ADAM15: variants seen among roughly 807,000 people sequenced by gnomAD.
ADAM15 encodes the protein disintegrin and metalloproteinase domain-containing protein 15.
Under a neutral mutation model 113.8 loss-of-function variants are expected in ADAM15, and 77 were observed. The observed-to-expected ratio is 0.68, with a 90% CI of 0.56 to 0.82. The LOEUF (loss-of-function observed/expected upper bound fraction) is 0.82, where lower values mean the gene tolerates loss of function less well. ADAM15 is among the 40% of genes least tolerant of loss of function. The probability of loss-of-function intolerance (pLI) is 0.00; values close to 1 mark genes in which losing one functional copy is unlikely to be tolerated. For synonymous variants in ADAM15, 388 were observed against 454.1 expected, an observed-to-expected ratio of 0.85 and a Z score of 1.85; for missense variants, 963 against 1,120.1, an observed-to-expected ratio of 0.86 and a Z score of 2.00.
chr1:155,054,647 C>T (rs749358894), intron 6 of ADAM15, 141 bp downstream of exon 6: 275 of 828,846 alleles, frequency 3.3e-4, no homozygotes, highest in Non-Finnish European at 4.4e-4. Context: ...AACATTAGCT[C>T]GTGTACTCCT....
rs745952012 is a variant in ADAM15 at position 155,057,385 on chromosome 1, C to T, written c.1323+23C>T. 33 of 1,613,374 alleles carry T rather than the reference C, an allele frequency of 2.0e-5. No homozygotes were observed. The highest frequency in any genetic ancestry group is 3.3e-5 in the Admixed American group (2 of 59,976). The stretch of plus-strand genomic sequence containing the variant: ...GATGTGAGCCCCTTTCCCAAAGCCT[C>T]GCCCCACTCACTTCTGTACCCTCAC... On this transcript the variant is annotated intron_variant, in intron 12 of 22. Transcript: ENST00000356955. This position sits in a 1 kb window ranked among gnomAD's most constrained non-coding sequence, Gnocchi z 5.0.
In ADAM15 at chr1:155,061,484, C is replaced by T; in HGVS notation, c.2347C>T (p.Leu783Phe). The change falls in exon 20 of 23, where the codon CTC (leucine) becomes TTC (phenylalanine). Residue 783 changes from leucine to phenylalanine, a missense_variant. Transcript: ENST00000356955. ...GCCGCCTGACCCTGTGTCCAAGAGA[C>T]TCCAGGTAAATCTGGGCCAGGGCCC... Reference protein sequence around the residue: ...PLPPDPVSKRLQAELADRPNP... With the variant: ...PLPPDPVSKRFQAELADRPNP... 6.2e-7 allele frequency: 1 copy of T among 1,613,552 alleles called. No individual in the cohort carries two copies. Among genetic ancestry groups the T allele is most frequent in the South Asian group, 1.1e-5 (1 of 91,038 alleles).
Position 155,057,658 on chromosome 1 carries a change from G to A in ADAM15, c.1345G>A (p.Asp449Asn). Reference sequence around the variant, plus strand: ...ACAGGACTGCGTCGATCCCTGCTGTGATTCTTTGACCTGCCAGCTGAGGCC... The same window carrying A: ...ACAGGACTGCGTCGATCCCTGCTGTAATTCTTTGACCTGCCAGCTGAGGCC... The part of the protein sequence containing the change: ...FLDDCVDPCC[D>N]SLTCQLRPGA... Residue 449 changes from aspartate (D) to asparagine (N), a missense_variant, in exon 13 of 23, where the codon GAT (aspartate) becomes AAT (asparagine). Asp to Asn is a conservative substitution (Grantham distance 23). Transcript: ENST00000356955. This position sits in a 1 kb window ranked among gnomAD's most constrained non-coding sequence, Gnocchi z 5.0. The A allele has an allele frequency of 6.2e-7, 1 of 1,614,210 alleles. No homozygotes were observed. Among genetic ancestry groups the A allele is most frequent in the Non-Finnish European group, 8.5e-7 (1 of 1,180,036 alleles).
rs759726786 is a variant in ADAM15, at chr1:155,054,458, C to T, written c.564C>T (p.His188=). The change falls in exon 6 of 23, where the codon CAC becomes CAT. Residue 188 remains histidine (H), a synonymous_variant. Coordinates refer to ENST00000356955, the MANE Select transcript of ADAM15 (RefSeq NM_207197.3). ...TCALSWRESV[H]TQKPPEHPLG... is the part of the protein sequence containing the mutation. ...CCCTGAGCTGGCGGGAATCTGTACA[C>T]ACTCAGAAGCCACCAGAGCACCCCC... 6.8e-6 allele frequency: 11 copies of T among 1,607,592 alleles called. No individual in the cohort carries two copies. Among genetic ancestry groups the T allele is most frequent in the Middle Eastern group, 3.3e-4 (2 of 6,038 alleles).
At chr1:155,055,730 C>T (rs1489758450) in intron 6 of ADAM15, 60 bp from the exon 7 acceptor site, 65 of 1,594,392 alleles carry the variant, frequency 4.1e-5, no homozygotes, top group South Asian at 9.9e-5. Flanking sequence ...TTGGTCAGCC[C>T]GGCACAGCTG....
intron 18 of ADAM15, 39 bp from the exon 19 acceptor site, chr1:155,060,724 G>A (rs1662457565): frequency 6.3e-7 from 1 of 1,597,596 alleles, no homozygotes. Flanking sequence ...CAGGGTCTGA[G>A]GCTGGGCCCT....
Position 155,055,836 on chromosome 1 carries a change from T to G in ADAM15, c.659T>G (p.Val220Gly). 6.2e-7 allele frequency: 1 copy of G among 1,614,222 alleles called. No homozygotes were observed. Among genetic ancestry groups the G allele is most frequent in the Non-Finnish European group, 8.5e-7 (1 of 1,180,044 alleles). ...ACCAAGACTGTGGAGTTGGTGATTG[T>G]GGCTGATCACTCGGAGGTGAGCCTG... ...TETKTVELVI[V>G]ADHSEAQKYR... Residue 220 changes from valine (V) to glycine (G), a missense_variant, in exon 7 of 23, where the codon GTG becomes GGG. Transcript: ENST00000356955.
At position 155,062,592 on chromosome 1, in the gene ADAM15, G is replaced by C; in HGVS notation, c.*90G>C. ...GGAGTCCCCTACCATGACTGAAGGC[G>C]CCAGAGACTGGCGGTGTCTTAAGAC... On this transcript the variant is annotated 3_prime_UTR_variant, in exon 23 of 23. Coordinates refer to ENST00000356955, the MANE Select transcript of ADAM15 (RefSeq NM_207197.3). This position sits in a 1 kb window ranked among gnomAD's most constrained non-coding sequence, Gnocchi z 7.0. 6.6e-7 allele frequency: 1 copy of C among 1,520,318 alleles called. No homozygotes were observed. Among genetic ancestry groups the C allele is most frequent in the Middle Eastern group, 1.8e-4 (1 of 5,410 alleles). The allele number at this position is 1,520,318 out of a possible 1,614,324, so 94.2% of individuals were successfully genotyped here.
In ADAM15 at chr1:155,051,425, C is replaced by A; in HGVS notation, c.39C>A (p.Gly13=). 1 of 1,566,146 alleles carries A rather than the reference C, an allele frequency of 6.4e-7. No homozygotes were observed. Among genetic ancestry groups the A allele is most frequent in the Non-Finnish European group, 8.6e-7 (1 of 1,161,462 alleles). Residue 13 remains glycine (G), a synonymous_variant, in exon 1 of 23, where the codon GGC becomes GGA. Coordinates refer to ENST00000356955, the MANE Select transcript of ADAM15 (RefSeq NM_207197.3). ...LALLWALGLL[G]AGSPLPSWPL... is the part of the protein sequence containing the mutation. ...TGCTCTGGGCCCTGGGGCTCCTGGG[C>A]GCGGGCAGCCCTCTGCCTTCCTGGC...
intron 2 of ADAM15, 94 bp from the exon 3 acceptor site, chr1:155,053,323 C>G (rs1661341826): frequency 8.8e-7 from 1 of 1,131,798 alleles, no homozygotes; most frequent in Admixed American, 1.7e-5. Flanking sequence ...GATCTAATTG[C>G]TGGTGCTCTT....
intron 1 of ADAM15, chr1:155,052,261 C>T (rs1661143892): frequency 1.9e-6 from 1 of 528,298 alleles, no homozygotes; most frequent in Non-Finnish European, 3.4e-6. Context: ...CTGGCATCTC[C>T]GATGTGAGCG....
Position 155,061,994 on chromosome 1 carries a change from A to G in ADAM15, c.2424+19A>G. 1.3e-6 allele frequency: 2 copies of G among 1,561,332 alleles called. No homozygotes were observed. The highest frequency in any genetic ancestry group is 1.9e-5 in the Admixed American group (1 of 53,426). ...CCCGAAGGTAACGGTGGGGGGAGAG[A>G]AGGGCACGGCCTCTCCCCCCACCTA... On this transcript the variant is annotated intron_variant, in intron 21 of 22. Coordinates refer to ENST00000356955, the MANE Select transcript of ADAM15 (RefSeq NM_207197.3).
At chr1:155,053,314 A>G (rs112244639) in intron 2 of ADAM15, 103 bp from the exon 3 acceptor site, 1 of 1,035,298 alleles carries the variant, frequency 9.7e-7, no homozygotes. Context: ...CCCACCAGTG[A>G]TCTAATTGCT....
At position 155,059,950 on chromosome 1, in the gene ADAM15, CCT is replaced by C. The variant is rs769987196; in HGVS notation, c.2045_2046del (p.Pro682ArgfsTer62). ...CTACTGTGAGGAGGGCTGGGCACCC[CCT>C]GACTGCACCACTCAGCTCAAAGGTA... is the stretch of plus-strand genomic sequence containing the variant. ...HCYCEEGWAP[P>X]DCTTQLKATS... On this transcript the variant is annotated frameshift_variant, in exon 17 of 23. Coordinates refer to ENST00000356955, the MANE Select transcript of ADAM15 (RefSeq NM_207197.3). LOFTEE classifies it high-confidence loss of function. The C allele has an allele frequency of 3.7e-6, 6 of 1,614,058 alleles. No individual in the cohort carries two copies. The highest frequency in any genetic ancestry group is 3.3e-5 in the Admixed American group (2 of 60,016).
chr1:155,054,624 T>G (rs2102395063), intron 6 of ADAM15, 118 bp downstream of exon 6: 1 of 1,132,408 alleles, frequency 8.8e-7, no homozygotes, highest in Non-Finnish European at 1.2e-6. Flanking sequence ...TTCCACATGC[T>G]GGGCACTTTG....
chr1:155,062,474 C>G lies in ADAM15; in HGVS notation c.2564C>G (p.Pro855Arg). ...LVVPSRPAPP[P>R]PTVSSLYL is the part of the protein sequence containing the mutation. Reference sequence around the variant, plus strand: ...CCGCAATCCAGACCAGCGCCACCGCCTCCGACAGTGTCCTCGCTCTACCTC... The same window carrying G: ...CCGCAATCCAGACCAGCGCCACCGCGTCCGACAGTGTCCTCGCTCTACCTC... The change falls in exon 23 of 23, where the codon CCT becomes CGT. Residue 855 changes from proline (P) to arginine (R), a missense_variant. Transcript: ENST00000356955. This position sits in a 1 kb window ranked among gnomAD's most constrained non-coding sequence, Gnocchi z 7.0. The G allele has an allele frequency of 6.2e-7, 1 of 1,613,484 alleles. No individual in the cohort carries two copies. Among genetic ancestry groups the G allele is most frequent in the Non-Finnish European group, 8.5e-7 (1 of 1,179,984 alleles).
chr1:155,051,332 C>T lies in ADAM15; in HGVS notation c.-55C>T. 4 of 1,329,744 alleles carry T rather than the reference C, an allele frequency of 3.0e-6. No homozygotes were observed. In the South Asian group the frequency reaches 5.2e-5, roughly 17 times the overall value. The allele number at this position is 1,329,744 out of a possible 1,614,324, so 82.4% of individuals were successfully genotyped here. ...CGAGGCGACCTGGCCGCCGGCCGCT[C>T]CTCCGCGCGCTGTTCCGCACTTGCT... On this transcript the variant is annotated 5_prime_UTR_variant, in exon 1 of 23. Coordinates refer to ENST00000356955, the MANE Select transcript of ADAM15 (RefSeq NM_207197.3).
rs76268440 is a variant in ADAM15, at chr1:155,053,469, A to G, written c.239A>G (p.His80Arg). The G allele has an allele frequency of 1.2e-6, 2 of 1,614,080 alleles. No homozygotes were observed. The highest frequency in any genetic ancestry group is 2.7e-5 in the African/African-American group (2 of 74,914). ...AAGTTGGAGCTGGACGGTGACAGTC[A>G]TATCCTGGAGCTGCTACAGAATAGG... ...RIKLELDGDSHILELLQNREL... is the reference protein window; with the variant it reads ...RIKLELDGDSRILELLQNREL... Residue 80 changes from histidine (H) to arginine (R), a missense_variant, in exon 3 of 23, where the codon CAT (histidine) becomes CGT (arginine). Coordinates refer to ENST00000356955, the MANE Select transcript of ADAM15 (RefSeq NM_207197.3).
rs374439447 is a variant in ADAM15, at chr1:155,055,860, T to C, written c.675+8T>C. 9 of 1,614,218 alleles carry C rather than the reference T, an allele frequency of 5.6e-6. No individual in the cohort carries two copies. The highest frequency in any genetic ancestry group is 7.6e-6 in the Non-Finnish European group (9 of 1,180,032). On this transcript the variant is annotated splice_region_variant and intron_variant, in intron 7 of 22. Transcript: ENST00000356955. Reference sequence around the variant, plus strand: ...GTGGCTGATCACTCGGAGGTGAGCCTGCTGGCCCCTGCACATCCTCCTCCC... The same window carrying C: ...GTGGCTGATCACTCGGAGGTGAGCCCGCTGGCCCCTGCACATCCTCCTCCC...
Sources: allele counts gnomAD v4.1 joint callset, GRCh38; gene constraint gnomAD v4.1.1; non-coding constraint Gnocchi (gnomAD v3.1); transcripts MANE v1.5; gene names NCBI Gene and HGNC (gene_info 2026-07-23, HGNC 2026-07-21).